Variants in TRAFD1 observed in about 807,000 individuals in gnomAD.
TRAFD1 encodes TRAF-type zinc finger domain containing 1, also known as TRAF-type zinc finger domain-containing protein 1.
TRAFD1 carries 38 observed loss-of-function variants against 65.3 expected under a neutral mutation model. That is an observed-to-expected ratio of 0.58 (90% CI 0.45 to 0.76). TRAFD1 has a LOEUF of 0.76. Among genes scored for constraint, TRAFD1 ranks in the 30% least tolerant of loss-of-function variants. The pLI, the probability that TRAFD1 is intolerant of heterozygous loss-of-function variation, is 0.00. For synonymous variants in TRAFD1, 223 were observed against 257.2 expected (o/e 0.87, Z 1.27); for missense variants, 631 against 712.6 (o/e 0.89, Z 1.30).
At chr12:112,151,590 A>C (rs2136983263) in intron 9 of TRAFD1, among the ~76,000 whole-genome samples, 1 of 151,434 alleles carries the variant, frequency 6.6e-6, no homozygotes, top group Admixed American at 6.6e-5. Context: ...TAGAGATGGA[A>C]TTTCACCATG....
At chr12:112,131,118 G>A (rs1258899396) in intron 2 of TRAFD1, among the ~76,000 whole-genome samples, 1 of 152,124 alleles carries the variant, frequency 6.6e-6, no homozygotes, top group Non-Finnish European at 1.5e-5. Context: ...TACCTGCTTG[G>A]AATTAAGATT....
At chr12:112,150,250 T>G (rs1593873706) in intron 9 of TRAFD1, among the ~76,000 whole-genome samples, 1 of 152,110 alleles carries the variant, frequency 6.6e-6, no homozygotes. Flanking sequence ...CCTATTATTA[T>G]TATTTAATTT....
At chr12:112,150,330 G>C (rs918430471) in intron 9 of TRAFD1, among the ~76,000 whole-genome samples, 9 of 151,930 alleles carry the variant, frequency 5.9e-5, no homozygotes, top group Non-Finnish European at 8.8e-5. Flanking sequence ...GCTTACCACA[G>C]CCTCAAACTC....
chr12:112,148,511 G>A (rs1255998985), intron 8 of TRAFD1, among the ~76,000 whole-genome samples: 1 of 152,218 alleles, frequency 6.6e-6, no homozygotes, highest in Non-Finnish European at 1.5e-5. Flanking sequence ...GGCAACTGAA[G>A]CCATCTTGTT....
intron 2 of TRAFD1, chr12:112,133,321 G>A (rs891872932): frequency 1.3e-5 from 2 of 152,176 alleles, no homozygotes; most frequent in Non-Finnish European, 2.9e-5. Flanking sequence ...GCTTCGAAAG[G>A]CATGTGAGGC....
At chr12:112,131,514 G>T (rs999039609) in intron 2 of TRAFD1, among the ~76,000 whole-genome samples, 1 of 152,202 alleles carries the variant, frequency 6.6e-6, no homozygotes, top group Non-Finnish European at 1.5e-5. Flanking sequence ...AACCTGTAAA[G>T]AATTAATTTC....
At chr12:112,143,857 G>A (rs1366346499) in intron 6 of TRAFD1, among the ~76,000 whole-genome samples, 4 of 149,794 alleles carry the variant, frequency 2.7e-5, no homozygotes, top group African/African-American at 9.8e-5. Context: ...TTCAGTCTCC[G>A]ATGTAGCTGG....
intron 1 of TRAFD1, among the ~76,000 whole-genome samples, chr12:112,129,091 T>A (rs1226507328): frequency 6.8e-6 from 1 of 147,998 alleles, no homozygotes; most frequent in African/African-American, 2.5e-5. Context: ...AAGGAAAGAC[T>A]GAAGAACTCT....
Position 112,153,123 on chromosome 12 carries a change from G to A in TRAFD1, c.*332G>A. On this transcript the variant is annotated 3_prime_UTR_variant, in exon 12 of 12. Transcript: ENST00000412615. ...GCTGTGTGGTCCCAGTGGAAGGAGG[G>A]GAAGATTTTGGAAACCTGGTAGCCA... is the stretch of plus-strand genomic sequence containing the variant. The A allele has an allele frequency of 4.1e-6, 1 of 246,564 alleles. No homozygotes were observed. The highest frequency in any genetic ancestry group is 7.8e-6 in the Non-Finnish European group (1 of 127,458). The allele number at this position is 246,564 out of a possible 1,614,324, so 15.3% of individuals were successfully genotyped here. A position where few individuals can be genotyped will look rare whatever the true frequency, so the allele number is the denominator to read the frequency against.
At chr12:112,128,737 T>G (rs1593861884) in intron 1 of TRAFD1, among the ~76,000 whole-genome samples, 1 of 152,058 alleles carries the variant, frequency 6.6e-6, no homozygotes, top group Admixed American at 6.6e-5. Context: ...TGAAGGATAT[T>G]ATATAAAATA....
intron 6 of TRAFD1, among the ~76,000 whole-genome samples, chr12:112,143,074 C>T (rs1248650389): frequency 6.6e-5 from 10 of 151,638 alleles, no homozygotes; most frequent in African/African-American, 1.5e-4. Context: ...TGTGCCATCA[C>T]GCCTGGCTAA....
intron 5 of TRAFD1, 127 bp downstream of exon 5, chr12:112,141,351 A>AGAGGTATTCTTCCC: frequency 9.3e-7 from 1 of 1,076,440 alleles, no homozygotes; most frequent in Non-Finnish European, 1.3e-6. Flanking sequence ...CACTGGGAAG[A>AGAGGTATTCTTCCC]ATACCTCTCT....
intron 2 of TRAFD1, 107 bp from the exon 3 acceptor site, chr12:112,134,631 T>C (rs1566047716): frequency 1.6e-6 from 2 of 1,283,086 alleles, no homozygotes; most frequent in Non-Finnish European, 2.2e-6. Flanking sequence ...AGATAAATAA[T>C]GGAGACTAAA....
At position 112,130,552 on chromosome 12, in the gene TRAFD1, T is replaced by C; in HGVS notation, c.30T>C (p.Thr10=). Residue 10 remains threonine, a synonymous_variant, in exon 2 of 12, where the codon ACT becomes ACC. Coordinates refer to ENST00000412615, the MANE Select transcript of TRAFD1 (RefSeq NM_006700.3). This position sits in a 1 kb window ranked among gnomAD's most constrained non-coding sequence, Gnocchi z 4.4. MAEFLDDQE[T]RLCDNCKKEI... ...CTGAATTTCTAGATGACCAGGAAAC[T>C]CGACTGTGTGACAACTGGTAAGACA... The C allele has an allele frequency of 6.2e-7, 1 of 1,613,142 alleles. No homozygotes were observed. Among genetic ancestry groups the C allele is most frequent in the South Asian group, 1.1e-5 (1 of 91,010 alleles).
chr12:112,145,324 G>C (rs760075792), intron 6 of TRAFD1, among the ~76,000 whole-genome samples: 63 of 152,264 alleles, frequency 4.1e-4, no homozygotes, highest in Non-Finnish European at 7.9e-4. Flanking sequence ...CCTTAGAGTA[G>C]TGAGTAGCAG....
rs762568376 is a variant in TRAFD1, at chr12:112,152,113, C to T, written c.1592C>T (p.Pro531Leu). ...GAAAACATTGTGCCCTCTTTCTCCC[C>T]TGGGCCTTCAGGGAGATACGGAGCT... The part of the protein sequence containing the change: ...YPENIVPSFS[P>L]GPSGRYGASG... Residue 531 changes from proline (P) to leucine (L), a missense_variant, in exon 10 of 12, where the codon CCT becomes CTT. Pro to Leu is a moderately conservative substitution (Grantham distance 98). Coordinates refer to ENST00000412615, the MANE Select transcript of TRAFD1 (RefSeq NM_006700.3). This position sits in a 1 kb window ranked among gnomAD's most constrained non-coding sequence, Gnocchi z 5.0. 4.3e-6 allele frequency: 7 copies of T among 1,613,362 alleles called. No homozygotes were observed. In the South Asian group the frequency reaches 6.6e-5, roughly 15 times the overall value.
At chr12:112,134,669 T>C (rs976915584) in intron 2 of TRAFD1, 69 bp from the exon 3 acceptor site, 49 of 1,550,038 alleles carry the variant, frequency 3.2e-5, no homozygotes, top group Non-Finnish European at 4.0e-5. Context: ...TTCCATGTGA[T>C]GCCACTGTGC....
At chr12:112,136,020 T>C (rs1451397748) in intron 4 of TRAFD1, among the ~76,000 whole-genome samples, 2 of 151,192 alleles carry the variant, frequency 1.3e-5, no homozygotes, top group Non-Finnish European at 2.9e-5. Context: ...TGTGTGCTAC[T>C]TGGGAGGCTG....
chr12:112,135,980 AAAAATAC>A (rs1447288757), intron 4 of TRAFD1, among the ~76,000 whole-genome samples: 1 of 151,458 alleles, frequency 6.6e-6, no homozygotes, highest in Non-Finnish European at 1.5e-5. Flanking sequence ...TGTCTCTGTT[AAAAATAC>A]AACAATTAGC....
Sources: gnomAD v4.1 joint callset for allele counts (sites outside exome capture counted in the v4.1 genomes callset) on GRCh38, gnomAD v4.1.1 for gene constraint, Gnocchi (gnomAD v3.1) non-coding constraint, MANE v1.5 for transcripts, NCBI Gene and HGNC (gene_info 2026-07-23, HGNC 2026-07-21) for gene names.